Variants in PHKB observed in about 807,000 individuals in gnomAD.
The protein encoded by PHKB is phosphorylase b kinase regulatory subunit beta.
Under a neutral mutation model 152.1 loss-of-function variants are expected in PHKB, and 122 were observed. That is an observed-to-expected ratio of 0.80 (90% CI 0.69 to 0.93). PHKB has a LOEUF of 0.93. PHKB is among the 40% of genes least tolerant of loss of function. PHKB has a pLI of 0.00. For missense variants in PHKB, 1,304 were observed against 1,328.4 expected, an observed-to-expected ratio of 0.98 and a Z score of 0.29; for synonymous variants, 436 against 464.9, an observed-to-expected ratio of 0.94 and a Z score of 0.80.
chr16:47,474,655 T>G (rs949762101), intron 1 of PHKB, among the ~76,000 whole-genome samples: 1 of 152,196 alleles, frequency 6.6e-6, no homozygotes, highest in South Asian at 2.1e-4. Flanking sequence ...ATCTGATGAT[T>G]GATAAGTTAT....
At chr16:47,507,726 A>AT (rs1970444889) in intron 4 of PHKB, among the ~76,000 whole-genome samples, 1 of 152,232 alleles carries the variant, frequency 6.6e-6, no homozygotes, top group Non-Finnish European at 1.5e-5. Context: ...GCTATGATAT[A>AT]GACCATTAAT....
At chr16:47,639,699 C>T (rs1047458584) in intron 14 of PHKB, among the ~76,000 whole-genome samples, 41 of 152,176 alleles carry the variant, frequency 2.7e-4, no homozygotes, top group Admixed American at 1.0e-3. Context: ...CTATAAACTG[C>T]CTTATTTATT....
intron 26 of PHKB, among the ~76,000 whole-genome samples, chr16:47,673,498 A>G (rs1973671988): frequency 6.6e-6 from 1 of 152,116 alleles, no homozygotes; most frequent in African/African-American, 2.4e-5. Context: ...TGTTTTTATG[A>G]AAGTCCATTC....
At chr16:47,677,358 T>C (rs1332478258) in intron 26 of PHKB, among the ~76,000 whole-genome samples, 1 of 152,228 alleles carries the variant, frequency 6.6e-6, no homozygotes, top group African/African-American at 2.4e-5. Flanking sequence ...CAGCTTTCCA[T>C]CGTCTGTCAT....
intron 8 of PHKB, among the ~76,000 whole-genome samples, chr16:47,583,409 G>A (rs952642054): frequency 2.6e-5 from 4 of 152,014 alleles, no homozygotes; most frequent in Non-Finnish European, 5.9e-5. Context: ...TCAGTTGCTG[G>A]GAAAAGAATT....
At chr16:47,521,748 G>A (rs528404038) in intron 6 of PHKB, among the ~76,000 whole-genome samples, 14 of 151,478 alleles carry the variant, frequency 9.2e-5, no homozygotes, top group Admixed American at 2.6e-4. Context: ...TCTATTCCTC[G>A]TTTCTTGAGT....
intron 14 of PHKB, among the ~76,000 whole-genome samples, chr16:47,630,834 G>T (rs1186631969): frequency 6.6e-6 from 1 of 152,176 alleles, no homozygotes; most frequent in Non-Finnish European, 1.5e-5. Flanking sequence ...AAAGAACAAG[G>T]CTGACCCCCG....
At chr16:47,489,339 T>A (rs1032203193) in intron 1 of PHKB, among the ~76,000 whole-genome samples, 1 of 152,234 alleles carries the variant, frequency 6.6e-6, no homozygotes, top group African/African-American at 2.4e-5. Context: ...GTGATATGTT[T>A]TGAAACATAA....
intron 1 of PHKB, among the ~76,000 whole-genome samples, chr16:47,495,972 A>G (rs975127065): frequency 3.3e-5 from 5 of 152,200 alleles, no homozygotes; most frequent in Non-Finnish European, 5.9e-5. Flanking sequence ...GCCTGAATGT[A>G]TAGGCCCTTT....
chr16:47,587,408 A>T (rs1035151200), intron 8 of PHKB, among the ~76,000 whole-genome samples: 1 of 152,204 alleles, frequency 6.6e-6, no homozygotes, highest in African/African-American at 2.4e-5. Context: ...GCTATCTTGT[A>T]ATCAGTACAT....
chr16:47,547,558 T>C lies in PHKB; in HGVS notation c.710+10T>C. Reference sequence around the variant, plus strand: ...CAGAGCTACATTCGAGGTAATTTGCTGATTTCTGAGGTTTTTTTTTTAAAT... The same window carrying C: ...CAGAGCTACATTCGAGGTAATTTGCCGATTTCTGAGGTTTTTTTTTTAAAT... On this transcript the variant is annotated intron_variant, in intron 7 of 30. Transcript: ENST00000323584. 6.8e-7 allele frequency: 1 copy of C among 1,478,592 alleles called. No homozygotes were observed. The highest frequency in any genetic ancestry group is 1.1e-5 in the South Asian group (1 of 87,270). The allele number at this position is 1,478,592 out of a possible 1,614,324, so 91.6% of individuals were successfully genotyped here.
Position 47,660,545 on chromosome 16 carries a change from C to T in PHKB, c.2011C>T (p.Leu671=). 2.5e-6 allele frequency: 4 copies of T among 1,613,772 alleles called. No homozygotes were observed. Among genetic ancestry groups the T allele is most frequent in the Non-Finnish European group, 3.4e-6 (4 of 1,179,702 alleles). ...SGAVVEQLDF[L]RISDTEELPE... The stretch of plus-strand genomic sequence containing the variant: ...AGCTGTGGTAGAACAACTTGATTTC[C>T]TACGAATCAGTGACACAGAAGAGTA... The change falls in exon 21 of 31, where the codon CTA becomes TTA. Residue 671 remains leucine (L), a synonymous_variant. Transcript: ENST00000323584.
At position 47,638,846 on chromosome 16, in the gene PHKB, C is replaced by T. The variant is rs537802552; in HGVS notation, c.1459-2189C>T. On this transcript the variant is annotated intron_variant, in intron 14 of 30. Transcript: ENST00000323584. ...CACAGGGCTTGAGTATGTGTATATA[C>T]GTGTGTGTGTGTGTTTGTCTGTAAC... Among the ~76,000 whole-genome samples, 19 of 151,884 alleles carry T rather than the reference C, an allele frequency of 1.3e-4. 1 individual carries two copies. The highest frequency in any genetic ancestry group is 2.7e-4 in the African/African-American group (11 of 41,454).
rs1972066901 is a variant in PHKB, at chr16:47,593,520, T to C, written c.1089T>C (p.Cys363=). The change falls in exon 11 of 31, where the codon TGT becomes TGC. Residue 363 remains cysteine, a synonymous_variant. Coordinates refer to ENST00000323584, the MANE Select transcript of PHKB (RefSeq NM_000293.3). ...TTTAGCTATTTGATGGCATTGAATGTGAATTTCCCATATTTTTCCTTTATA... is the reference window on the plus strand; with the variant it reads ...TTTAGCTATTTGATGGCATTGAATGCGAATTTCCCATATTTTTCCTTTATA... ...AEIKLFDGIE[C]EFPIFFLYMM... 6.8e-7 allele frequency: 1 copy of C among 1,478,338 alleles called. No individual in the cohort carries two copies. Among genetic ancestry groups the C allele is most frequent in the Non-Finnish European group, 9.5e-7 (1 of 1,056,646 alleles). 91.6% of individuals were successfully genotyped at this position (1,478,338 alleles called of 1,614,324 possible).
chr16:47,550,459 C>G lies in PHKB; in HGVS notation c.710+2911C>G, dbSNP rs145753955. 1.6e-3 allele frequency among the ~76,000 whole-genome samples: 249 copies of G among 152,352 alleles called. 2 individuals carry two copies. The highest frequency in any genetic ancestry group is 2.7e-3 in the Non-Finnish European group (185 of 68,026). ...TACATAGTAATACTTGCCATAAGTA[C>G]TTACACTTCCCTTTGTAGTCTGACA... On this transcript the variant is annotated intron_variant, in intron 7 of 30. Transcript: ENST00000323584.
chr16:47,527,892 C>T (rs1970794879), intron 6 of PHKB, among the ~76,000 whole-genome samples: 1 of 152,092 alleles, frequency 6.6e-6, no homozygotes, highest in Non-Finnish European at 1.5e-5. Flanking sequence ...CTTCTGCTAG[C>T]CAAAGAGCAA....
chr16:47,497,419 A>C lies in PHKB; in HGVS notation c.97A>C (p.Lys33Gln). The change falls in exon 2 of 31, where the codon AAA (lysine) becomes CAA (glutamine). Residue 33 changes from lysine (K) to glutamine (Q), a missense_variant. Transcript: ENST00000323584. The stretch of plus-strand genomic sequence containing the variant: ...TTTAGGCTCAGTTTATGAACCTCTT[A>C]AAAGCATTAATCTTCCAAGACCTGA... ...KRSGSVYEPLKSINLPRPDNE... is the reference protein window; with the variant it reads ...KRSGSVYEPLQSINLPRPDNE... The C allele has an allele frequency of 6.2e-7, 1 of 1,604,666 alleles. No homozygotes were observed. The highest frequency in any genetic ancestry group is 8.5e-7 in the Non-Finnish European group (1 of 1,174,042).
intron 3 of PHKB, among the ~76,000 whole-genome samples, chr16:47,500,700 TAA>T (rs76863473): frequency 1.4e-5 from 2 of 143,882 alleles, no homozygotes; most frequent in African/African-American, 2.5e-5. Flanking sequence ...TGTATAAAGT[TAA>T]AAAAAAAAAA....
At chr16:47,544,220 C>A (rs1218763732) in intron 6 of PHKB, among the ~76,000 whole-genome samples, 1 of 152,194 alleles carries the variant, frequency 6.6e-6, no homozygotes, top group Non-Finnish European at 1.5e-5. Context: ...CTCCGATAGG[C>A]ATTTAGTGCT....
Sources: allele counts gnomAD v4.1 joint callset (sites outside exome capture counted in the v4.1 genomes callset), GRCh38; gene constraint gnomAD v4.1.1; transcripts MANE v1.5; gene names NCBI Gene and HGNC (gene_info 2026-07-23, HGNC 2026-07-21).